Variants in RYR1 observed in about 807,000 individuals in gnomAD.
The protein encoded by RYR1 is ryanodine receptor 1.
Under a neutral mutation model 583.5 loss-of-function variants are expected in RYR1, and 342 were observed. That is an observed-to-expected ratio of 0.59 (90% CI 0.54 to 0.64). The LOEUF (loss-of-function observed/expected upper bound fraction) is 0.64. Among genes scored for constraint, RYR1 ranks in the 30% least tolerant of loss-of-function variants. The pLI, the probability that RYR1 is intolerant of heterozygous loss-of-function variation, is 0.00. For synonymous variants in RYR1, 2,791 were observed against 2,822.5 expected, an observed-to-expected ratio of 0.99 and a Z score of 0.35; for missense variants, 6,032 against 6,917.2, an observed-to-expected ratio of 0.87 and a Z score of 4.54.
At chr19:38,505,725 C>G in intron 53 of RYR1, 81 bp from the exon 54 acceptor site, 2 of 1,565,558 alleles carry the variant, frequency 1.3e-6, no homozygotes, top group Non-Finnish European at 1.8e-6. Flanking sequence ...GCCACATGGT[C>G]AGGGTTTTCT....
At chr19:38,445,758 G>A (rs556779304) in intron 7 of RYR1, among the ~76,000 whole-genome samples, 3 of 152,176 alleles carry the variant, frequency 2.0e-5, no homozygotes, top group Non-Finnish European at 4.4e-5. Flanking sequence ...AGGGGCCAAG[G>A]CGGGTGGATC....
chr19:38,532,071 C>T (rs1971761780), intron 76 of RYR1, among the ~76,000 whole-genome samples: 1 of 152,050 alleles, frequency 6.6e-6, no homozygotes, highest in African/African-American at 2.4e-5. Context: ...CCACCTGAGT[C>T]ACACAGCCTG....
chr19:38,457,658 A>C (rs112036954), intron 17 of RYR1, 28 bp downstream of exon 17: 2 of 1,611,230 alleles, frequency 1.2e-6, no homozygotes, highest in African/African-American at 2.7e-5. Context: ...TGACCCCAGA[A>C]CTCAGAACCT....
In RYR1 at chr19:38,463,141, G is replaced by GGC. The variant is rs1967858844; in HGVS notation, c.2578-282_2578-281insGC. Reference sequence around the variant, plus strand: ...TTGAACTCCTGACCTCAGGCGATCTGCCCCCCCCCCCCCCACTTAGCCTCC... The same window carrying GGC: ...TTGAACTCCTGACCTCAGGCGATCTGGCCCCCCCCCCCCCCCACTTAGCCTCC... On this transcript the variant is annotated intron_variant, in intron 20 of 105. Transcript: ENST00000359596. Among the ~76,000 whole-genome samples the GGC allele has an allele frequency of 1.5e-4, 5 of 32,960 alleles. 1 individual carries two copies. The highest frequency in any genetic ancestry group is 1.1e-3 in the Admixed American group (2 of 1,898). 21.6% of individuals were successfully genotyped at this position (32,960 alleles called of 152,430 possible). A position where few individuals can be genotyped will look rare whatever the true frequency, so the allele number is the denominator to read the frequency against.
intron 28 of RYR1, among the ~76,000 whole-genome samples, chr19:38,474,499 G>A (rs576028410): frequency 3.7e-4 from 56 of 150,650 alleles, no homozygotes; most frequent in Admixed American, 7.3e-4. Context: ...CTGACCTCAG[G>A]TGATCCACCC....
chr19:38,499,596 G>A lies in RYR1; in HGVS notation c.7028-39G>A. The A allele has an allele frequency of 1.9e-6, 3 of 1,593,222 alleles. No homozygotes were observed. Among genetic ancestry groups the A allele is most frequent in the South Asian group, 2.2e-5 (2 of 90,582 alleles). ...GGGCTGCATGGGGAGGTCTCTGATG[G>A]TGGCTCATGAGACCCCCTTTCCCCA... On this transcript the variant is annotated intron_variant, in intron 43 of 105. Transcript: ENST00000359596. The surrounding 1 kb of genome is among the most constrained non-coding windows in gnomAD (Gnocchi z 7.3).
chr19:38,527,157 C>CA (rs1282848794), intron 72 of RYR1, 105 bp downstream of exon 72: 1 of 1,308,876 alleles, frequency 7.6e-7, no homozygotes, highest in African/African-American at 1.5e-5. Flanking sequence ...AGAAAGACCT[C>CA]AAAGGTCAGG....
Position 38,528,423 on chromosome 19 carries a change from G to C in RYR1, c.10937+5G>C. 1 of 1,613,882 alleles carries C rather than the reference G, an allele frequency of 6.2e-7. No homozygotes were observed. The stretch of plus-strand genomic sequence containing the variant: ...GCCCCTGTACAACCTGCCCACGTAA[G>C]GCCCCCAGGGACAAGGGAAGCGTGA... On this transcript the variant is annotated splice_donor_5th_base_variant and intron_variant, in intron 74 of 105. Transcript: ENST00000359596.
intron 1 of RYR1, among the ~76,000 whole-genome samples, chr19:38,437,092 C>G (rs1972461058): frequency 6.6e-6 from 1 of 151,596 alleles, no homozygotes; most frequent in African/African-American, 2.4e-5. Context: ...CCTTTGTAGC[C>G]CAGGCTGGAG....
chr19:38,437,592 ATTGC>A (rs1371100624), intron 1 of RYR1, among the ~76,000 whole-genome samples: 4 of 152,032 alleles, frequency 2.6e-5, no homozygotes, highest in Admixed American at 2.6e-4. Context: ...AAGCAGGACG[ATTGC>A]TTGAGGCCGG....
At position 38,561,400 on chromosome 19, in the gene RYR1, G is replaced by A. The variant is rs1973133563; in HGVS notation, c.12570G>A (p.Glu4190=). 6.2e-7 allele frequency: 1 copy of A among 1,613,066 alleles called. No individual in the cohort carries two copies. Reference sequence around the variant, plus strand: ...TCATGGGCGCGTCACGCCGCATCGAGCGCATCTACTTCGAGATCTCAGAGA... The same window carrying A: ...TCATGGGCGCGTCACGCCGCATCGAACGCATCTACTTCGAGATCTCAGAGA... The part of the protein sequence containing the change: ...IEIMGASRRI[E]RIYFEISETN... The change falls in exon 90 of 106, where the codon GAG becomes GAA. Residue 4190 remains glutamate, a synonymous_variant. Transcript: ENST00000359596. The surrounding 1 kb of genome is among the most constrained non-coding windows in gnomAD (Gnocchi z 4.8).
intron 76 of RYR1, among the ~76,000 whole-genome samples, chr19:38,530,577 GT>G (rs1272481241): frequency 6.6e-6 from 1 of 151,900 alleles, no homozygotes; most frequent in African/African-American, 2.4e-5. Context: ...TCAGGGATTT[GT>G]TTTTCTTACA....
intron 67 of RYR1, among the ~76,000 whole-genome samples, chr19:38,522,795 C>T (rs1971277970): frequency 2.0e-5 from 3 of 151,904 alleles, no homozygotes; most frequent in East Asian, 1.9e-4. Context: ...ACTAAAAATA[C>T]AAAAATTAGC....
intron 36 of RYR1, 130 bp from the exon 37 acceptor site, chr19:38,490,491 T>C: frequency 1.3e-6 from 1 of 798,658 alleles, no homozygotes; most frequent in Non-Finnish European, 2.1e-6. Context: ...GTCTCCCAAA[T>C]AGTCTTCATT....
At position 38,565,534 on chromosome 19, in the gene RYR1, C is replaced by A; in HGVS notation, c.13200C>A (p.Gly4400=). The A allele has an allele frequency of 6.7e-7, 1 of 1,502,686 alleles. No individual in the cohort carries two copies. Among genetic ancestry groups the A allele is most frequent in the East Asian group, 2.7e-5 (1 of 36,738 alleles). The allele number at this position is 1,502,686 out of a possible 1,614,324, so 93.1% of individuals were successfully genotyped here. Residue 4400 remains glycine (G), a synonymous_variant, in exon 91 of 106, where the codon GGC becomes GGA. Coordinates refer to ENST00000359596, the MANE Select transcript of RYR1 (RefSeq NM_000540.3). This position sits in a 1 kb window ranked among gnomAD's most constrained non-coding sequence, Gnocchi z 4.7. The stretch of plus-strand genomic sequence containing the variant: ...ACGGCGAGCAGCCGGCCGGGCCGGG[C>A]GGAGACGCAGACGGCGAGGGTGCCA... ...EVHGEQPAGP[G]GDADGEGASE...
In RYR1 at chr19:38,528,615, A is replaced by T. The variant is rs769081932; in HGVS notation, c.10954A>T (p.Met3652Leu). Residue 3652 changes from methionine to leucine, a missense_variant, in exon 75 of 106, where the codon ATG becomes TTG. Around this residue, in one of 11 missense-constraint regions of RYR1, gnomAD observed 1,493 missense variants for 1,715.5 expected, o/e 0.87. Transcript: ENST00000359596. ...CCCCTGCAGGCACCGGGCATGTAAC[A>T]TGTTCCTGGAGAGCTACAAGGCTGC... ...YNLPTHRACN[M>L]FLESYKAAWI... is the part of the protein sequence containing the mutation. The T allele has an allele frequency of 1.2e-6, 2 of 1,614,046 alleles. No homozygotes were observed. The highest frequency in any genetic ancestry group is 2.2e-5 in the East Asian group (1 of 44,892).
intron 96 of RYR1, among the ~76,000 whole-genome samples, chr19:38,575,012 C>T (rs1361497281): frequency 1.3e-5 from 2 of 149,868 alleles, no homozygotes; most frequent in Non-Finnish European, 1.5e-5. Flanking sequence ...TGCACTCCAG[C>T]CTGGGCGACA....
At chr19:38,570,497 G>A in intron 93 of RYR1, 110 bp from the exon 94 acceptor site, 1 of 724,630 alleles carries the variant, frequency 1.4e-6, no homozygotes. Flanking sequence ...GAGGTTGTAG[G>A]AAAGATATTG....
At chr19:38,575,235 C>A (rs1973904140) in intron 96 of RYR1, among the ~76,000 whole-genome samples, 1 of 152,174 alleles carries the variant, frequency 6.6e-6, no homozygotes, top group African/African-American at 2.4e-5. Flanking sequence ...CATCACCACG[C>A]CAGAGCCTCT....
Sources: allele counts gnomAD v4.1 joint callset (sites outside exome capture counted in the v4.1 genomes callset), GRCh38; gene constraint gnomAD v4.1.1; regional missense constraint gnomAD v4.1.1; non-coding constraint Gnocchi (gnomAD v3.1); transcripts MANE v1.5; gene names NCBI Gene and HGNC (gene_info 2026-07-23, HGNC 2026-07-21).